The following PMPCB variants were observed in gnomAD, a reference collection of about 807,000 sequenced individuals.
PMPCB encodes the protein mitochondrial-processing peptidase subunit beta.
PMPCB carries 46 observed loss-of-function variants against 61.5 expected under a neutral mutation model. The ratio of observed to expected loss-of-function variants is 0.75; its 90% CI spans 0.59 to 0.96. The LOEUF is 0.96. Ranked by LOEUF, PMPCB falls within the 40% of genes least tolerant of loss-of-function variation. PMPCB has a pLI of 0.00. For missense variants in PMPCB, 590 were observed against 602.4 expected (o/e 0.98, Z 0.22); for synonymous variants, 191 against 201.6 (o/e 0.95, Z 0.44).
intron 4 of PMPCB, among the ~76,000 whole-genome samples, chr7:103,300,526 T>C (rs1274572216): frequency 6.6e-6 from 1 of 152,258 alleles, no homozygotes; most frequent in East Asian, 1.9e-4. Context: ...AGCAATAAAA[T>C]AGAGATTATT....
Position 103,308,831 on chromosome 7 carries a change from A to G in PMPCB, c.850-121A>G, listed in dbSNP as rs560612355. The G allele has an allele frequency of 1.2e-4, 78 of 645,750 alleles. No homozygotes were observed. In the African/African-American group the frequency reaches 1.4e-3, roughly 11 times the overall value. 40.0% of individuals were successfully genotyped at this position (645,750 alleles called of 1,614,324 possible). On this transcript the variant is annotated intron_variant, in intron 7 of 12. Transcript: ENST00000249269. ...GAGGCCTGATAGTTAAAAAATCAAA[A>G]TAGAGTCCTGGTGTGCATTTTAACT...
Position 103,297,535 on chromosome 7 carries a change from C to T in PMPCB, c.76C>T (p.Leu26=). Residue 26 remains leucine (L), a synonymous_variant, in exon 1 of 13, where the codon CTA becomes TTA. Transcript: ENST00000249269. ...RRLWGFSESL[L]IRGAAGRSLY... is the part of the protein sequence containing the mutation. ...GCTCTGGGGTTTCAGCGAGAGTCTT[C>T]TAATCCGAGGCGCTGCGGGACGGGT... 1.9e-6 allele frequency: 3 copies of T among 1,609,290 alleles called. No homozygotes were observed. Among genetic ancestry groups the T allele is most frequent in the East Asian group, 4.5e-5 (2 of 44,728 alleles).
In PMPCB at chr7:103,304,427, G is replaced by A; in HGVS notation, c.673G>A (p.Asp225Asn). The A allele has an allele frequency of 1.3e-6, 2 of 1,594,274 alleles. No homozygotes were observed. Among genetic ancestry groups the A allele is most frequent in the Non-Finnish European group, 1.7e-6 (2 of 1,161,988 alleles). ...TENIKSISRK[D>N]LVDYITTHYK... ...CATTTACAGATCTATAAGTCGTAAG[G>A]ACTTAGTGGATTATATAACCACACA... The change falls in exon 6 of 13, where the codon GAC becomes AAC. Residue 225 changes from aspartate (D) to asparagine (N), a missense_variant. Coordinates refer to ENST00000249269, the MANE Select transcript of PMPCB (RefSeq NM_004279.3).
chr7:103,326,398 A>G, intron 12 of PMPCB: 2 of 788,768 alleles, frequency 2.5e-6, no homozygotes, highest in South Asian at 3.4e-5. Flanking sequence ...AGGGCTGAAT[A>G]TTGCAGAGAA....
intron 9 of PMPCB, 144 bp from the exon 10 acceptor site, chr7:103,311,496 AAAT>A (rs1817750749): frequency 1.1e-5 from 7 of 623,332 alleles, no homozygotes; most frequent in Non-Finnish European, 1.7e-5. Context: ...ATACTGGGGA[AAAT>A]AATCATTTTA....
Position 103,312,496 on chromosome 7 carries a change from G to A in PMPCB, c.*225G>A. On this transcript the variant is annotated 3_prime_UTR_variant, in exon 13 of 13. Transcript: ENST00000249269. ...GCATACTTTCAAATTATTACCATGA[G>A]TATAATTTTAAGAATGAAAATGTTT... The A allele has an allele frequency of 8.3e-6, 13 of 1,574,426 alleles. No individual in the cohort carries two copies. The highest frequency in any genetic ancestry group is 1.1e-5 in the Non-Finnish European group (13 of 1,163,574).
Position 103,312,980 on chromosome 7 carries a change from G to A in PMPCB, c.*709G>A. 6.2e-7 allele frequency: 1 copy of A among 1,613,888 alleles called. No homozygotes were observed. The highest frequency in any genetic ancestry group is 8.5e-7 in the Non-Finnish European group (1 of 1,179,912). ...GTTTCATGCAGTCCTTCTTTGTCCT[G>A]CCAGGCACCGCTTCTGCTATTTTTT... is the stretch of plus-strand genomic sequence containing the variant. On this transcript the variant is annotated 3_prime_UTR_variant, in exon 13 of 13. Coordinates refer to ENST00000249269, the MANE Select transcript of PMPCB (RefSeq NM_004279.3).
chr7:103,312,170 C>T (rs1160339276), intron 12 of PMPCB, 37 bp from the exon 13 acceptor site: 1 of 1,613,826 alleles, frequency 6.2e-7, no homozygotes, highest in Non-Finnish European at 8.5e-7. Context: ...AAAAGTTGGC[C>T]AAGTACTTTT....
intron 6 of PMPCB, 125 bp downstream of exon 6, chr7:103,304,615 G>A (rs1377633349): frequency 2.8e-6 from 2 of 707,668 alleles, no homozygotes; most frequent in South Asian, 1.6e-5. Context: ...CTGATAGTGT[G>A]TAAGGGGAAT....
chr7:103,319,850 A>T, intron 12 of PMPCB: 1 of 1,614,016 alleles, frequency 6.2e-7, no homozygotes, highest in Non-Finnish European at 8.5e-7. Flanking sequence ...CAGGTCTAAA[A>T]GCACAAACAC....
In PMPCB at chr7:103,297,569, C is replaced by T. The variant is rs1359134871; in HGVS notation, c.99+11C>T. The T allele has an allele frequency of 1.9e-6, 3 of 1,612,280 alleles. No individual in the cohort carries two copies. Among genetic ancestry groups the T allele is most frequent in the Non-Finnish European group, 2.5e-6 (3 of 1,179,066 alleles). On this transcript the variant is annotated intron_variant, in intron 1 of 12. Coordinates refer to ENST00000249269, the MANE Select transcript of PMPCB (RefSeq NM_004279.3). ...GGCGCTGCGGGACGGGTGAGCTTCC[C>T]TCCAGGCCGGTCCTGTCCTCGAGAT...
At chr7:103,310,668 T>A in intron 9 of PMPCB, 193 bp downstream of exon 9, 1 of 309,840 alleles carries the variant, frequency 3.2e-6, no homozygotes. Flanking sequence ...TGATTTATAC[T>A]ATAGAATTTT....
At chr7:103,305,139 T>A (rs1817543285) in intron 6 of PMPCB, among the ~76,000 whole-genome samples, 1 of 152,216 alleles carries the variant, frequency 6.6e-6, no homozygotes, top group South Asian at 2.1e-4. Flanking sequence ...AGAACCAACT[T>A]CGTCCTTGTT....
At chr7:103,324,524 A>C (rs999430499) in intron 12 of PMPCB, 2 of 1,497,076 alleles carry the variant, frequency 1.3e-6, no homozygotes, top group South Asian at 1.3e-5. Flanking sequence ...TGATGAATTC[A>C]TATCACCAAG....
Position 103,313,105 on chromosome 7 carries a change from A to C in PMPCB, c.*834A>C. 1 of 1,593,974 alleles carries C rather than the reference A, an allele frequency of 6.3e-7. No individual in the cohort carries two copies. The stretch of plus-strand genomic sequence containing the variant: ...GGGGTGAAGTCTGTATATGGACCTG[A>C]TTAAGAAAAATTTTTATTTGAAAAC... On this transcript the variant is annotated 3_prime_UTR_variant, in exon 13 of 13. Coordinates refer to ENST00000249269, the MANE Select transcript of PMPCB (RefSeq NM_004279.3).
At chr7:103,303,732 T>A (rs1817507573) in intron 4 of PMPCB, 110 bp from the exon 5 acceptor site, 1 of 683,340 alleles carries the variant, frequency 1.5e-6, no homozygotes, top group East Asian at 2.7e-5. Flanking sequence ...GGCTAATCAT[T>A]TAGTATTGAG....
chr7:103,330,641 A>C (rs916273159), downstream of PMPCB, among the ~76,000 whole-genome samples: 1 of 151,682 alleles, frequency 6.6e-6, no homozygotes, highest in Non-Finnish European at 1.5e-5. Flanking sequence ...TAGTAGAGAC[A>C]GGGTTTCACC....
the PMPCB span, chr7:103,344,593 G>A: frequency 1.9e-6 from 3 of 1,612,874 alleles, no homozygotes; most frequent in East Asian, 2.2e-5. Flanking sequence ...CGGTGCCCCG[G>A]CCGTCCGCGG....
At chr7:103,300,820 G>A (rs1055578370) in intron 4 of PMPCB, among the ~76,000 whole-genome samples, 1 of 152,154 alleles carries the variant, frequency 6.6e-6, no homozygotes, top group Non-Finnish European at 1.5e-5. Flanking sequence ...GAGTAGCTGG[G>A]ATTATAGGCT....
Sources: gnomAD v4.1 joint callset for allele counts (sites outside exome capture counted in the v4.1 genomes callset) on GRCh38, gnomAD v4.1.1 for gene constraint, MANE v1.5 for transcripts, NCBI Gene and HGNC (gene_info 2026-07-23, HGNC 2026-07-21) for gene names.